Variants in NELL2 observed in about 807,000 individuals in gnomAD.
The protein encoded by NELL2 is protein kinase C-binding protein NELL2.
A neutral mutation model predicts 109.6 loss-of-function variants in NELL2; 41 were observed. The observed-to-expected ratio is 0.37, with a 90% confidence interval of 0.29 to 0.49. The LOEUF (loss-of-function observed/expected upper bound fraction) is 0.49, where lower values mean the gene tolerates loss of function less well. NELL2 is among the 20% of genes least tolerant of loss of function. NELL2 has a pLI of 0.98. For missense variants in NELL2, 900 were observed against 1,008.3 expected, an observed-to-expected ratio of 0.89 and a Z score of 1.45; for synonymous variants, 355 against 344.7, an observed-to-expected ratio of 1.03 and a Z score of -0.33.
intron 3 of NELL2, among the ~76,000 whole-genome samples, chr12:44,786,182 G>GA (rs992063503): frequency 1.3e-5 from 2 of 151,070 alleles, no homozygotes; most frequent in Non-Finnish European, 3.0e-5. Context: ...AAATTTACAA[G>GA]AAAAAAAACA....
intron 19 of NELL2, among the ~76,000 whole-genome samples, chr12:44,514,514 A>G (rs1941160209): frequency 6.6e-6 from 1 of 151,564 alleles, no homozygotes; most frequent in Non-Finnish European, 1.5e-5. Context: ...ACAGTATATT[A>G]TTATAATTAT....
At chr12:44,919,097 T>C (rs1191262997), upstream of NELL2, among the ~76,000 whole-genome samples, 2 of 152,140 alleles carry the variant, frequency 1.3e-5, no homozygotes, top group African/African-American at 2.4e-5. Flanking sequence ...CGTGAGAAAA[T>C]AAATACTTTG....
intron 15 of NELL2, among the ~76,000 whole-genome samples, chr12:44,536,833 C>T (rs1381111136): frequency 1.3e-5 from 2 of 151,640 alleles, no homozygotes; most frequent in Admixed American, 1.3e-4. Context: ...AATCTAAAAT[C>T]CAAAAGATGT....
At chr12:44,739,946 A>G (rs1256005174) in intron 9 of NELL2, among the ~76,000 whole-genome samples, 1 of 152,178 alleles carries the variant, frequency 6.6e-6, no homozygotes, top group Non-Finnish European at 1.5e-5. Flanking sequence ...ATGATCATTC[A>G]TTTTCATTTT....
intron 2 of NELL2, among the ~76,000 whole-genome samples, chr12:44,819,929 G>C (rs1313335887): frequency 6.6e-6 from 1 of 152,034 alleles, no homozygotes; most frequent in Non-Finnish European, 1.5e-5. Context: ...CACCTATAAC[G>C]GAGAAAGAGA....
chr12:44,636,158 T>C (rs1946628296), intron 13 of NELL2, among the ~76,000 whole-genome samples: 1 of 152,206 alleles, frequency 6.6e-6, no homozygotes, highest in Admixed American at 6.5e-5. Flanking sequence ...TTGCTGAGGT[T>C]GCTTATCAGC....
intron 16 of NELL2, among the ~76,000 whole-genome samples, chr12:44,525,357 C>A (rs780746806): frequency 1.4e-4 from 21 of 152,124 alleles, no homozygotes; most frequent in Non-Finnish European, 3.1e-4. Flanking sequence ...TAAAAAGTTG[C>A]TCATAACGAT....
At chr12:44,587,820 T>C (rs999969273) in intron 15 of NELL2, among the ~76,000 whole-genome samples, 1 of 152,196 alleles carries the variant, frequency 6.6e-6, no homozygotes, top group African/African-American at 2.4e-5. Flanking sequence ...AATCTATTGC[T>C]AAATTAGCAA....
chr12:44,841,510 A>G (rs890500512), intron 2 of NELL2, among the ~76,000 whole-genome samples: 35 of 152,230 alleles, frequency 2.3e-4, no homozygotes, highest in Admixed American at 2.3e-3. Flanking sequence ...AAACAATCAC[A>G]TAGCTATGAT....
intron 15 of NELL2, among the ~76,000 whole-genome samples, chr12:44,603,352 T>G (rs575589533): frequency 2.6e-5 from 4 of 152,300 alleles, no homozygotes; most frequent in Non-Finnish European, 5.9e-5. Flanking sequence ...TGTAGGGGAC[T>G]GTCAAATCTT....
chr12:44,513,179 A>G (rs1941077880), intron 19 of NELL2, among the ~76,000 whole-genome samples: 3 of 151,962 alleles, frequency 2.0e-5, no homozygotes, highest in African/African-American at 7.2e-5. Context: ...AACAATACCT[A>G]CAGATTAAGA....
chr12:44,547,916 T>G (rs1269063724), intron 15 of NELL2, among the ~76,000 whole-genome samples: 2 of 152,212 alleles, frequency 1.3e-5, no homozygotes, highest in Non-Finnish European at 1.5e-5. Flanking sequence ...TTATCCAGGC[T>G]GCTGTTCTTA....
At chr12:44,735,330 G>C (rs74079176) in intron 9 of NELL2, among the ~76,000 whole-genome samples, 11,456 of 152,092 alleles carry the variant, frequency 0.075, 1,406 homozygotes, top group African/African-American at 0.26. Flanking sequence ...AGTAACTTGA[G>C]GTCTAGGATA....
chr12:44,766,106 G>T (rs1344578687), intron 9 of NELL2, among the ~76,000 whole-genome samples: 1 of 151,006 alleles, frequency 6.6e-6, no homozygotes, highest in Admixed American at 6.6e-5. Flanking sequence ...AAAAAAGAAA[G>T]AAATGCATCT....
intron 12 of NELL2, among the ~76,000 whole-genome samples, chr12:44,688,941 C>T (rs1247116165): frequency 6.6e-6 from 1 of 152,158 alleles, no homozygotes; most frequent in East Asian, 1.9e-4. Context: ...ATGTTTCCAT[C>T]ACACTACGAA....
chr12:44,918,333 T>C (rs564941160), upstream of NELL2, among the ~76,000 whole-genome samples: 1 of 152,340 alleles, frequency 6.6e-6, no homozygotes, highest in South Asian at 2.1e-4. Context: ...TCTTTAACCA[T>C]CTGGAATGCA....
chr12:44,758,713 GC>G (rs1319416546), intron 9 of NELL2, among the ~76,000 whole-genome samples: 19 of 152,110 alleles, frequency 1.2e-4, no homozygotes, highest in Admixed American at 4.6e-4. Context: ...ACTCAGTTCA[GC>G]TTTCAATATA....
chr12:44,848,683 G>C (rs530411849), intron 2 of NELL2, among the ~76,000 whole-genome samples: 1 of 152,298 alleles, frequency 6.6e-6, no homozygotes, highest in South Asian at 2.1e-4. Context: ...GAGAGAGAGA[G>C]AGAAGGGGCA....
At chr12:44,768,709 C>G (rs1400356951) in intron 9 of NELL2, among the ~76,000 whole-genome samples, 1 of 151,932 alleles carries the variant, frequency 6.6e-6, no homozygotes. Flanking sequence ...TAAAACAGCG[C>G]ATCTGATACG....
Sources: gnomAD v4.1 joint callset for allele counts (sites outside exome capture counted in the v4.1 genomes callset) on GRCh38, gnomAD v4.1.1 for gene constraint, MANE v1.5 for transcripts, NCBI Gene and HGNC (gene_info 2026-07-23, HGNC 2026-07-21) for gene names.